Variants in SPAG16 observed in about 807,000 individuals in gnomAD.
SPAG16 encodes sperm associated antigen 16.
Under a neutral mutation model 80.4 loss-of-function variants are expected in SPAG16, and 86 were observed. The observed-to-expected ratio is 1.07, with a 90% confidence interval of 0.90 to 1.28. SPAG16 has a LOEUF of 1.28. Among genes scored for constraint, SPAG16 ranks in the 50% most tolerant of loss-of-function variants. The pLI is 0.00. For missense variants in SPAG16, 870 were observed against 765.3 expected (o/e 1.14, Z -1.61); for synonymous variants, 294 against 265.9 (o/e 1.11, Z -1.03).
chr2:213,793,153 C>G (rs1039218918), intron 10 of SPAG16, among the ~76,000 whole-genome samples: 1 of 151,936 alleles, frequency 6.6e-6, no homozygotes, highest in African/African-American at 2.4e-5. Flanking sequence ...GTCTTGAGCT[C>G]CTGACCTCAG....
intron 10 of SPAG16, among the ~76,000 whole-genome samples, chr2:213,647,794 C>G (rs1032333862): frequency 6.6e-6 from 1 of 152,186 alleles, no homozygotes; most frequent in African/African-American, 2.4e-5. Flanking sequence ...AGGCCCCAGG[C>G]ACTGTCTTCT....
intron 10 of SPAG16, among the ~76,000 whole-genome samples, chr2:213,645,008 A>G (rs2062769129): frequency 6.6e-6 from 1 of 152,200 alleles, no homozygotes; most frequent in African/African-American, 2.4e-5. Context: ...ACTAGAGTCA[A>G]AAACCTTAGA....
intron 15 of SPAG16, among the ~76,000 whole-genome samples, chr2:214,368,134 C>G (rs1248518046): frequency 6.6e-6 from 1 of 152,058 alleles, no homozygotes; most frequent in Non-Finnish European, 1.5e-5. Context: ...CATTAAAATG[C>G]TCTCTATCAG....
At chr2:213,635,162 G>A (rs2125094550) in intron 10 of SPAG16, among the ~76,000 whole-genome samples, 1 of 151,842 alleles carries the variant, frequency 6.6e-6, no homozygotes, top group East Asian at 1.9e-4. Context: ...AGCCTCCTGA[G>A]TAGCTGGGAA....
intron 10 of SPAG16, among the ~76,000 whole-genome samples, chr2:213,617,634 C>T (rs1420856532): frequency 1.3e-5 from 2 of 152,124 alleles, no homozygotes; most frequent in Non-Finnish European, 2.9e-5. Flanking sequence ...AGCCACTATG[C>T]CCGGCCCAAA....
chr2:214,314,580 C>T (rs984487893), intron 15 of SPAG16, among the ~76,000 whole-genome samples: 2 of 152,076 alleles, frequency 1.3e-5, no homozygotes, highest in African/African-American at 2.4e-5. Context: ...AACATCTTCT[C>T]AAATACCTTG....
chr2:213,518,424 T>G (rs1575814865), intron 10 of SPAG16, among the ~76,000 whole-genome samples: 1 of 151,396 alleles, frequency 6.6e-6, no homozygotes, highest in South Asian at 2.1e-4. Context: ...CTGAGGCAGG[T>G]TTTTTTTTCC....
chr2:213,433,272 G>T (rs572642518), intron 9 of SPAG16, among the ~76,000 whole-genome samples: 2 of 152,082 alleles, frequency 1.3e-5, no homozygotes, highest in East Asian at 3.9e-4. Flanking sequence ...AGACGAGAAA[G>T]AATTAAAAGG....
intron 12 of SPAG16, among the ~76,000 whole-genome samples, chr2:213,931,033 T>G (rs1048205141): frequency 6.6e-6 from 1 of 152,208 alleles, no homozygotes; most frequent in South Asian, 2.1e-4. Flanking sequence ...TTCCCTGTGT[T>G]CGCTCAGTCC....
intron 9 of SPAG16, among the ~76,000 whole-genome samples, chr2:213,410,206 C>T (rs2068885065): frequency 6.6e-6 from 1 of 152,214 alleles, no homozygotes; most frequent in Non-Finnish European, 1.5e-5. Flanking sequence ...TCTCTTTCAT[C>T]TATTCTATTA....
chr2:214,218,602 G>T (rs571104190), intron 15 of SPAG16, among the ~76,000 whole-genome samples: 1 of 152,108 alleles, frequency 6.6e-6, no homozygotes, highest in Non-Finnish European at 1.5e-5. Context: ...GTACAATAAC[G>T]CCTTCATATT....
intron 14 of SPAG16, among the ~76,000 whole-genome samples, chr2:214,127,317 C>T (rs1349357890): frequency 6.6e-6 from 1 of 151,788 alleles, no homozygotes; most frequent in Non-Finnish European, 1.5e-5. Context: ...CTAGCTTTTA[C>T]TCTTCAGGGG....
chr2:213,487,581 G>A (rs1402026736), intron 9 of SPAG16, among the ~76,000 whole-genome samples: 1 of 151,890 alleles, frequency 6.6e-6, no homozygotes, highest in African/African-American at 2.4e-5. Context: ...TTTTACTAGG[G>A]TTTTGCCGCT....
chr2:213,301,430 A>T (rs2062736715), intron 3 of SPAG16, among the ~76,000 whole-genome samples: 1 of 152,208 alleles, frequency 6.6e-6, no homozygotes, highest in South Asian at 2.1e-4. Context: ...TAAAGTTGTC[A>T]AAGGAACTCA....
At chr2:214,194,750 T>G (rs150965406) in intron 15 of SPAG16, among the ~76,000 whole-genome samples, 1 of 152,074 alleles carries the variant, frequency 6.6e-6, no homozygotes, top group South Asian at 2.1e-4. Context: ...ATCCTTATCA[T>G]ATTGTTAGAT....
intron 10 of SPAG16, among the ~76,000 whole-genome samples, chr2:213,750,070 G>T (rs1050252220): frequency 2.0e-5 from 3 of 152,108 alleles, no homozygotes; most frequent in African/African-American, 7.2e-5. Flanking sequence ...AGTACTTATT[G>T]TATCCTGGAA....
intron 10 of SPAG16, among the ~76,000 whole-genome samples, chr2:213,565,745 A>G (rs1345392891): frequency 6.6e-6 from 1 of 152,210 alleles, no homozygotes; most frequent in Non-Finnish European, 1.5e-5. Flanking sequence ...ATCAACTAGT[A>G]ATAGCCCAGG....
chr2:213,468,125 G>C (rs1402748266), intron 9 of SPAG16, among the ~76,000 whole-genome samples: 1 of 151,986 alleles, frequency 6.6e-6, no homozygotes, highest in African/African-American at 2.4e-5. Flanking sequence ...AGGATTAGTT[G>C]TCCCTCAAAT....
chr2:213,990,761 T>C (rs1200710278), intron 12 of SPAG16, among the ~76,000 whole-genome samples: 4 of 152,066 alleles, frequency 2.6e-5, no homozygotes, highest in Non-Finnish European at 5.9e-5. Context: ...ATAAGTGGAC[T>C]CATGTAGTTT....
Sources: allele counts gnomAD v4.1 joint callset (sites outside exome capture counted in the v4.1 genomes callset), GRCh38; gene constraint gnomAD v4.1.1; transcripts MANE v1.5; gene names NCBI Gene and HGNC (gene_info 2026-07-23, HGNC 2026-07-21).